STARD13: variants seen among roughly 807,000 people sequenced by gnomAD.
STARD13 encodes stAR-related lipid transfer protein 13.
In STARD13, 62 loss-of-function variants were observed where a neutral mutation model predicts 106.4. The ratio of observed to expected loss-of-function variants is 0.58; its 90% CI spans 0.48 to 0.72. STARD13 has a LOEUF of 0.72. STARD13 is among the 30% of genes least tolerant of loss of function. STARD13 has a pLI of 0.00. For missense variants in STARD13, 1,387 were observed against 1,424.0 expected (o/e 0.97, Z 0.42); for synonymous variants, 565 against 553.0 (o/e 1.02, Z -0.31).
the STARD13 span, among the ~76,000 whole-genome samples, chr13:33,551,063 T>G: frequency 4.6e-5 from 7 of 152,320 alleles, no homozygotes; most frequent in African/African-American, 1.7e-4. Context: ...CCACAATACC[T>G]TTATACCACA....
At chr13:33,177,152 T>G (rs1884604982) in intron 1 of STARD13, among the ~76,000 whole-genome samples, 1 of 152,208 alleles carries the variant, frequency 6.6e-6, no homozygotes, top group Admixed American at 6.5e-5. Flanking sequence ...TATGACAACT[T>G]TTACTAATAA....
chr13:33,296,403 A>G (rs528383713), intron 1 of STARD13, among the ~76,000 whole-genome samples: 47 of 148,156 alleles, frequency 3.2e-4, no homozygotes, highest in Non-Finnish European at 4.0e-4. Flanking sequence ...AAATTTAAAA[A>G]TCATCATGAT....
At chr13:33,217,886 T>A (rs748798763) in intron 1 of STARD13, among the ~76,000 whole-genome samples, 20 of 152,176 alleles carry the variant, frequency 1.3e-4, no homozygotes, top group Non-Finnish European at 2.8e-4. Context: ...GCAGGACAGG[T>A]AAATCAGGCG....
At chr13:33,324,858 T>G (rs1893682351) in intron 1 of STARD13, among the ~76,000 whole-genome samples, 1 of 152,234 alleles carries the variant, frequency 6.6e-6, no homozygotes, top group South Asian at 2.1e-4. Flanking sequence ...TATGTTGGTC[T>G]TCCACATCCT....
chr13:33,414,672 G>A, the STARD13 span, among the ~76,000 whole-genome samples: 5 of 152,128 alleles, frequency 3.3e-5, no homozygotes, highest in South Asian at 4.2e-4. Flanking sequence ...ATGTGACTAC[G>A]GAAAACAGAA....
chr13:33,488,044 C>T, the STARD13 span, among the ~76,000 whole-genome samples: 2 of 152,284 alleles, frequency 1.3e-5, no homozygotes, highest in South Asian at 4.1e-4. Flanking sequence ...TATGATACTG[C>T]CCTCTCCTGG....
At chr13:33,398,755 A>C in the STARD13 span, among the ~76,000 whole-genome samples, 1 of 152,234 alleles carries the variant, frequency 6.6e-6, no homozygotes, top group Admixed American at 6.5e-5. Flanking sequence ...ATACCACTGT[A>C]CACCAGTGTT....
At chr13:33,528,227 T>TATATATATATATATAC in the STARD13 span, among the ~76,000 whole-genome samples, 1 of 110,970 alleles carries the variant, frequency 9.0e-6, no homozygotes, top group African/African-American at 3.8e-5. Flanking sequence ...TGTGTGTGTG[T>TATATATATATATATAC]ATATATATAT....
the STARD13 span, among the ~76,000 whole-genome samples, chr13:33,448,407 G>A: frequency 6.6e-6 from 1 of 151,990 alleles, no homozygotes; most frequent in African/African-American, 2.4e-5. Flanking sequence ...AATTTAACAG[G>A]TTCATCCATG....
At chr13:33,494,070 T>A in the STARD13 span, among the ~76,000 whole-genome samples, 3 of 152,210 alleles carry the variant, frequency 2.0e-5, no homozygotes, top group Non-Finnish European at 4.4e-5. Flanking sequence ...CACTTCCAAG[T>A]TTCCTTTGAA....
chr13:33,365,671 G>T, the STARD13 span, among the ~76,000 whole-genome samples: 3 of 152,148 alleles, frequency 2.0e-5, no homozygotes, highest in African/African-American at 7.2e-5. Flanking sequence ...CAATTCTTCA[G>T]GTTTTAATAC....
rs148285910 is a variant in STARD13 at position 33,165,053 on chromosome 13, CT to C, written c.323+283del. Among the ~76,000 whole-genome samples the C allele has an allele frequency of 9.6e-3, 1,454 of 152,170 alleles. 29 individuals carry two copies. The highest frequency in any genetic ancestry group is 0.033 in the African/African-American group (1,366 of 41,504). On this transcript the variant is annotated intron_variant, in intron 3 of 13. Transcript: ENST00000336934. ...TAGCATTTATACTCTCTGAAATAAACTTTCCCCCTCCTTCTTTCTTTTTCTC... is the reference window on the plus strand; with the variant it reads ...TAGCATTTATACTCTCTGAAATAAACTTCCCCCTCCTTCTTTCTTTTTCTC...
intron 1 of STARD13, among the ~76,000 whole-genome samples, chr13:33,329,190 T>C (rs2077809171): frequency 6.6e-6 from 1 of 152,240 alleles, no homozygotes; most frequent in Non-Finnish European, 1.5e-5. Context: ...CCTTTTAAAC[T>C]ATGTACCCCT....
the STARD13 span, among the ~76,000 whole-genome samples, chr13:33,592,819 G>C: frequency 6.6e-6 from 1 of 152,168 alleles, no homozygotes; most frequent in East Asian, 1.9e-4. Context: ...TTTAGCAAAT[G>C]CTTATTGAGT....
the STARD13 span, among the ~76,000 whole-genome samples, chr13:33,652,895 C>T: frequency 1.1e-4 from 16 of 151,748 alleles, no homozygotes; most frequent in Middle Eastern, 3.4e-3. Context: ...ATTTTTGATA[C>T]ATTAAAAATG....
chr13:33,588,089 A>G, the STARD13 span, among the ~76,000 whole-genome samples: 4 of 152,134 alleles, frequency 2.6e-5, no homozygotes, highest in African/African-American at 9.6e-5. Context: ...CATTTAGCAC[A>G]TACTGCTTTG....
At chr13:33,551,244 G>T in the STARD13 span, among the ~76,000 whole-genome samples, 1 of 152,198 alleles carries the variant, frequency 6.6e-6, no homozygotes, top group African/African-American at 2.4e-5. Context: ...GTGTGGAAAA[G>T]ATACTTCACA....
At chr13:33,439,452 C>T in the STARD13 span, among the ~76,000 whole-genome samples, 7 of 152,354 alleles carry the variant, frequency 4.6e-5, no homozygotes, top group Non-Finnish European at 8.8e-5. Flanking sequence ...GTAAAATCAA[C>T]TTTACAAAAT....
At chr13:33,669,553 T>G in the STARD13 span, among the ~76,000 whole-genome samples, 8 of 142,388 alleles carry the variant, frequency 5.6e-5, no homozygotes, top group Admixed American at 2.7e-4. Context: ...TTTTTTTTTT[T>G]GAGACAGAAT....
Sources: allele counts gnomAD v4.1 joint callset (sites outside exome capture counted in the v4.1 genomes callset), GRCh38; gene constraint gnomAD v4.1.1; transcripts MANE v1.5; gene names NCBI Gene and HGNC (gene_info 2026-07-23, HGNC 2026-07-21).